The following TRIP12 variants were observed in gnomAD, a reference collection of about 807,000 sequenced individuals.
TRIP12 encodes E3 ubiquitin-protein ligase TRIP12.
A neutral mutation model predicts 244.2 loss-of-function variants in TRIP12; 25 were observed. The ratio of observed to expected loss-of-function variants is 0.10; its 90% CI spans 0.07 to 0.14. TRIP12 has a LOEUF of 0.14. Among genes scored for constraint, TRIP12 ranks in the 10% least tolerant of loss-of-function variants. The pLI, the probability that TRIP12 is intolerant of heterozygous loss-of-function variation, is 1.00. For synonymous variants in TRIP12, 905 were observed against 873.1 expected (o/e 1.04, Z -0.64); for missense variants, 1,677 against 2,486.4 (o/e 0.67, Z 6.92).
intron 4 of TRIP12, among the ~76,000 whole-genome samples, chr2:229,855,953 G>A (rs1253333225): frequency 6.6e-6 from 1 of 151,588 alleles, no homozygotes; most frequent in Non-Finnish European, 1.5e-5. Flanking sequence ...CACGAGAATT[G>A]CCCGAACCTG....
intron 6 of TRIP12, among the ~76,000 whole-genome samples, chr2:229,834,357 T>TA (rs1236474310): frequency 6.6e-6 from 1 of 152,264 alleles, no homozygotes; most frequent in African/African-American, 2.4e-5. Context: ...GACATTATTT[T>TA]ACAAGCATAA....
chr2:229,867,077 T>G (rs186264992), intron 2 of TRIP12, among the ~76,000 whole-genome samples: 1 of 149,066 alleles, frequency 6.7e-6, no homozygotes, highest in African/African-American at 2.5e-5. Context: ...AGTATATATA[T>G]ATACACACAC....
At chr2:229,826,279 T>C (rs551352912) in intron 8 of TRIP12, among the ~76,000 whole-genome samples, 1 of 152,342 alleles carries the variant, frequency 6.6e-6, no homozygotes, top group South Asian at 2.1e-4. Context: ...AGACACTATG[T>C]ACTTCCTAAG....
At chr2:229,795,080 G>T in intron 26 of TRIP12, 99 bp downstream of exon 26, 1 of 1,375,890 alleles carries the variant, frequency 7.3e-7, no homozygotes, top group Non-Finnish European at 9.8e-7. Flanking sequence ...AATGTTTTCT[G>T]GGCCAATCAA....
chr2:229,912,476 T>C (rs1296843781), intron 1 of TRIP12, among the ~76,000 whole-genome samples: 1 of 152,184 alleles, frequency 6.6e-6, no homozygotes, highest in African/African-American at 2.4e-5. Flanking sequence ...ATTTCATATA[T>C]ATGGACCCTC....
At chr2:229,777,576 G>C in intron 36 of TRIP12, 97 bp from the exon 37 acceptor site, 2 of 1,217,294 alleles carry the variant, frequency 1.6e-6, no homozygotes, top group South Asian at 1.4e-5. Flanking sequence ...ATATTAATAG[G>C]TCAAGTAATC....
At chr2:229,827,215 G>C (rs1487489015) in intron 8 of TRIP12, among the ~76,000 whole-genome samples, 1 of 151,784 alleles carries the variant, frequency 6.6e-6, no homozygotes, top group Admixed American at 6.6e-5. Flanking sequence ...GGGAGGAGTA[G>C]GTTGCAGTGA....
rs546064469 is a variant in TRIP12 at position 229,899,515 on chromosome 2, G to A, written c.-49-19387C>T. Among the ~76,000 whole-genome samples the A allele has an allele frequency of 2.0e-5, 3 of 152,286 alleles. No homozygotes were observed. The East Asian group carries it at 5.8e-4, about 29-fold the overall frequency. The stretch of plus-strand genomic sequence containing the variant: ...GTGAGGTGTGCAGATAGCCAGCGGT[G>A]ATACTGGAATCTTTGGTAGGATGCA... On this transcript the variant is annotated intron_variant, in intron 1 of 41. Transcript: ENST00000675903.
chr2:229,806,498 A>G (rs1287603266), intron 17 of TRIP12, among the ~76,000 whole-genome samples: 1 of 152,244 alleles, frequency 6.6e-6, no homozygotes, highest in African/African-American at 2.4e-5. Context: ...TTCTCATTAC[A>G]GAATCCAATC....
intron 1 of TRIP12, among the ~76,000 whole-genome samples, chr2:229,892,479 A>T (rs1475833075): frequency 6.6e-6 from 1 of 152,208 alleles, no homozygotes; most frequent in Non-Finnish European, 1.5e-5. Context: ...GAAAAATTTC[A>T]TAACTAAGCC....
chr2:229,773,139 G>A (rs916570633), intron 38 of TRIP12, among the ~76,000 whole-genome samples: 2 of 151,412 alleles, frequency 1.3e-5, no homozygotes, highest in East Asian at 1.9e-4. Flanking sequence ...GCAGGGGCAC[G>A]GTATCGGCTC....
At chr2:229,881,573 G>A (rs1576581265) in intron 1 of TRIP12, among the ~76,000 whole-genome samples, 1 of 152,108 alleles carries the variant, frequency 6.6e-6, no homozygotes, top group African/African-American at 2.4e-5. Context: ...AGTAGAAAAA[G>A]ACTGTTTCTA....
chr2:229,833,551 T>C (rs1230183091), intron 6 of TRIP12, among the ~76,000 whole-genome samples: 1 of 152,098 alleles, frequency 6.6e-6, no homozygotes, highest in Non-Finnish European at 1.5e-5. Flanking sequence ...GGCCTCTGAA[T>C]GTTGGAGTTA....
intron 4 of TRIP12, among the ~76,000 whole-genome samples, chr2:229,852,374 A>T (rs1330296927): frequency 1.3e-5 from 2 of 152,110 alleles, no homozygotes; most frequent in East Asian, 3.8e-4. Flanking sequence ...ATTTTTTTTT[A>T]AATTAGCTTT....
At chr2:229,886,348 G>A (rs924758545) in intron 1 of TRIP12, among the ~76,000 whole-genome samples, 3 of 152,098 alleles carry the variant, frequency 2.0e-5, no homozygotes, top group African/African-American at 7.2e-5. Flanking sequence ...GGAGAGTAAG[G>A]GCCATTGAGT....
At chr2:229,770,735 G>A (rs1239361427) in intron 39 of TRIP12, among the ~76,000 whole-genome samples, 3 of 152,124 alleles carry the variant, frequency 2.0e-5, no homozygotes, top group Non-Finnish European at 4.4e-5. Context: ...CCTGGTGGGA[G>A]GTAACTGAAT....
At chr2:229,847,172 T>C (rs775553311) in intron 4 of TRIP12, among the ~76,000 whole-genome samples, 1 of 152,128 alleles carries the variant, frequency 6.6e-6, no homozygotes, top group Non-Finnish European at 1.5e-5. Context: ...TACATCCATA[T>C]CTAGCCATTA....
intron 18 of TRIP12, 31 bp from the exon 19 acceptor site, chr2:229,804,258 T>C: frequency 6.5e-7 from 1 of 1,536,188 alleles, no homozygotes; most frequent in Non-Finnish European, 8.9e-7. Context: ...ATATGTGCAA[T>C]CCTGAAGTGA....
At chr2:229,804,740 A>T (rs2045393150) in intron 18 of TRIP12, among the ~76,000 whole-genome samples, 1 of 152,160 alleles carries the variant, frequency 6.6e-6, no homozygotes, top group South Asian at 2.1e-4. Flanking sequence ...AATCCAGTCC[A>T]CCACCGGTTT....
Sources: gnomAD v4.1 joint callset for allele counts (sites outside exome capture counted in the v4.1 genomes callset) on GRCh38, gnomAD v4.1.1 for gene constraint, MANE v1.5 for transcripts, NCBI Gene and HGNC (gene_info 2026-07-23, HGNC 2026-07-21) for gene names.